The following LHFPL3 variants were observed in gnomAD, a reference collection of about 807,000 sequenced individuals.
The protein encoded by LHFPL3 is LHFPL tetraspan subfamily member 3, also known as LHFPL tetraspan subfamily member 3 protein.
Under a neutral mutation model 19.3 loss-of-function variants are expected in LHFPL3, and 5 were observed. That is an observed-to-expected ratio of 0.26 (90% CI 0.14 to 0.54). The LOEUF is 0.54. Ranked by LOEUF, LHFPL3 falls within the 20% of genes least tolerant of loss-of-function variation. The pLI is 0.94. For missense variants in LHFPL3, 249 were observed against 307.4 expected, an observed-to-expected ratio of 0.81 and a Z score of 1.42; for synonymous variants, 133 against 126.2, an observed-to-expected ratio of 1.05 and a Z score of -0.36.
chr7:104,656,805 C>G (rs1335662653), intron 1 of LHFPL3, among the ~76,000 whole-genome samples: 1 of 152,176 alleles, frequency 6.6e-6, no homozygotes, highest in Admixed American at 6.5e-5. Context: ...TTTTATTTTC[C>G]TTTTAACACA....
chr7:104,745,244 C>T (rs757716787), intron 2 of LHFPL3, among the ~76,000 whole-genome samples: 1 of 152,154 alleles, frequency 6.6e-6, no homozygotes, highest in Non-Finnish European at 1.5e-5. Flanking sequence ...CAGAAGCTGC[C>T]CCTTCCTCTT....
intron 1 of LHFPL3, among the ~76,000 whole-genome samples, chr7:104,528,719 G>A (rs1038605855): frequency 1.3e-5 from 2 of 152,106 alleles, no homozygotes; most frequent in African/African-American, 4.8e-5. Context: ...CAAGACTATG[G>A]AAGTCAGTTA....
chr7:104,501,340 C>CA, intron 1 of LHFPL3, among the ~76,000 whole-genome samples: 1 of 152,304 alleles, frequency 6.6e-6, no homozygotes, highest in African/African-American at 2.4e-5. Context: ...GATGAAGCCT[C>CA]AAAACCAGTC....
At chr7:104,498,486 T>C (rs1017359799) in intron 1 of LHFPL3, among the ~76,000 whole-genome samples, 6 of 148,438 alleles carry the variant, frequency 4.0e-5, no homozygotes, top group Non-Finnish European at 1.5e-5. Flanking sequence ...CTGCTGTACA[T>C]GGAAGCAATG....
chr7:104,719,583 T>C (rs1793449206), intron 1 of LHFPL3, among the ~76,000 whole-genome samples: 1 of 152,190 alleles, frequency 6.6e-6, no homozygotes, highest in Admixed American at 6.6e-5. Flanking sequence ...TAGGTGAAAT[T>C]CTAGTGTAAA....
At chr7:104,337,093 G>C (rs1789824576) in intron 1 of LHFPL3, among the ~76,000 whole-genome samples, 1 of 151,988 alleles carries the variant, frequency 6.6e-6, no homozygotes. Flanking sequence ...GCCCTTAGTT[G>C]GTTTCAGGGC....
chr7:104,410,708 A>T (rs1171727986), intron 1 of LHFPL3, among the ~76,000 whole-genome samples: 1 of 152,262 alleles, frequency 6.6e-6, no homozygotes, highest in Admixed American at 6.5e-5. Flanking sequence ...AGCAGTGAGG[A>T]AAATATGTGC....
chr7:104,717,371 C>T (rs1793406396), intron 1 of LHFPL3, among the ~76,000 whole-genome samples: 1 of 152,084 alleles, frequency 6.6e-6, no homozygotes. Flanking sequence ...ATAAGGCAAC[C>T]TATGGCATGG....
chr7:104,633,780 G>T (rs146355762), intron 1 of LHFPL3, among the ~76,000 whole-genome samples: 1 of 152,254 alleles, frequency 6.6e-6, no homozygotes, highest in African/African-American at 2.4e-5. Flanking sequence ...GGAAGAATTT[G>T]CCATCTGTAC....
intron 1 of LHFPL3, among the ~76,000 whole-genome samples, chr7:104,510,809 A>G (rs1225162385): frequency 6.6e-6 from 1 of 152,206 alleles, no homozygotes; most frequent in Non-Finnish European, 1.5e-5. Context: ...ACAGAAAACC[A>G]AATACCACAT....
chr7:104,705,197 G>C (rs960886080), intron 1 of LHFPL3, among the ~76,000 whole-genome samples: 8 of 152,014 alleles, frequency 5.3e-5, no homozygotes, highest in Non-Finnish European at 1.2e-4. Context: ...GGTAACAATT[G>C]TTTAATATAA....
chr7:104,804,477 C>T (rs897852559), intron 2 of LHFPL3, among the ~76,000 whole-genome samples: 1 of 152,226 alleles, frequency 6.6e-6, no homozygotes, highest in African/African-American at 2.4e-5. Flanking sequence ...TAATGCTCTT[C>T]ACCCTTGAGG....
intron 1 of LHFPL3, among the ~76,000 whole-genome samples, chr7:104,603,919 A>G (rs1791035559): frequency 6.6e-6 from 1 of 152,160 alleles, no homozygotes; most frequent in East Asian, 1.9e-4. Flanking sequence ...TACTCTACCC[A>G]GTAGCTCTCA....
At chr7:104,481,168 A>G (rs575953625) in intron 1 of LHFPL3, among the ~76,000 whole-genome samples, 1 of 152,292 alleles carries the variant, frequency 6.6e-6, no homozygotes, top group South Asian at 2.1e-4. Flanking sequence ...TGTTTGTGCC[A>G]TGGCTCCTCC....
intron 2 of LHFPL3, among the ~76,000 whole-genome samples, chr7:104,891,759 A>G (rs28478615): frequency 0.16 from 24,043 of 152,122 alleles, 4,274 homozygotes; most frequent in East Asian, 0.48. Flanking sequence ...AGCAGAAATG[A>G]TATGTGCTGC....
intron 2 of LHFPL3, among the ~76,000 whole-genome samples, chr7:104,756,242 T>C (rs1794283234): frequency 6.6e-6 from 1 of 152,138 alleles, no homozygotes; most frequent in Non-Finnish European, 1.5e-5. Flanking sequence ...TTAAGCTTGT[T>C]CCTAATTTTT....
chr7:104,341,899 T>TA (rs5886305), intron 1 of LHFPL3, among the ~76,000 whole-genome samples: 47,821 of 151,596 alleles, frequency 0.32, 9,130 homozygotes, highest in African/African-American at 0.52. Flanking sequence ...TGAAAAAGAA[T>TA]AAAAAAAAGG....
At chr7:104,867,266 C>CA (rs890101038) in intron 2 of LHFPL3, among the ~76,000 whole-genome samples, 8 of 152,072 alleles carry the variant, frequency 5.3e-5, no homozygotes, top group South Asian at 4.1e-4. Flanking sequence ...AAAATCCCTT[C>CA]AAAAAAATCA....
At chr7:104,605,009 A>C (rs1479565527) in intron 1 of LHFPL3, among the ~76,000 whole-genome samples, 1 of 152,222 alleles carries the variant, frequency 6.6e-6, no homozygotes, top group Admixed American at 6.5e-5. Flanking sequence ...TGCTAGCCAT[A>C]TTCTTCATCC....
Sources: gnomAD v4.1 joint callset for allele counts (sites outside exome capture counted in the v4.1 genomes callset) on GRCh38, gnomAD v4.1.1 for gene constraint, MANE v1.5 for transcripts, NCBI Gene and HGNC (gene_info 2026-07-23, HGNC 2026-07-21) for gene names.